BCOR: variants seen among roughly 807,000 people sequenced by gnomAD.
BCOR encodes the protein BCL-6 corepressor.
Under a neutral mutation model 86.7 loss-of-function variants are expected in BCOR, and 10 were observed. The ratio of observed to expected loss-of-function variants is 0.12; its 90% CI spans 0.07 to 0.20. The LOEUF is 0.20. BCOR is among the 10% of genes least tolerant of loss of function. The pLI is 1.00. For missense variants in BCOR, 1,259 were observed against 1,452.1 expected, an observed-to-expected ratio of 0.87 and a Z score of 2.16; for synonymous variants, 611 against 609.0, an observed-to-expected ratio of 1.00 and a Z score of -0.05.
At position 40,175,121 on chromosome X, in the gene BCOR, C is replaced by A. The variant is rs1178779996; in HGVS notation, c.-41+1886G>T. Among the ~76,000 whole-genome samples, 3 of 105,116 alleles carry A rather than the reference C, an allele frequency of 2.9e-5. No individual in the cohort carries two copies. In the East Asian group the frequency reaches 9.8e-4, roughly 34 times the overall value. The allele number at this position is 105,116 out of a possible 115,157, so 91.3% of individuals were successfully genotyped here. On this transcript the variant is annotated intron_variant, in intron 1 of 14. Transcript: ENST00000342274. ...AATACTCGCGGGCAGCCTGTTCTGA[C>A]CTATACTGTCATTTTTTCCATCGGT...
intron 1 of BCOR, among the ~76,000 whole-genome samples, chrX:40,144,473 A>T (rs1227744146): frequency 8.9e-6 from 1 of 111,996 alleles, no homozygotes; most frequent in Non-Finnish European, 1.9e-5. Flanking sequence ...GGTACTCAGG[A>T]GAGGCCTTTG....
chrX:40,146,574 G>T (rs1938060421), intron 1 of BCOR: 1 of 112,707 alleles, frequency 8.9e-6, no homozygotes, highest in Non-Finnish European at 1.9e-5. Context: ...CACACCGCCC[G>T]CGAGTAACAA....
intron 6 of BCOR, among the ~76,000 whole-genome samples, chrX:40,068,438 A>G (rs1416097938): frequency 2.7e-5 from 3 of 112,237 alleles, no homozygotes; most frequent in Non-Finnish European, 5.6e-5. Flanking sequence ...GTCCTGGAAG[A>G]GAAGTTTCCT....
chrX:40,063,580 G>A, intron 8 of BCOR, 28 bp downstream of exon 8: 1 of 1,158,015 alleles, frequency 8.6e-7, no homozygotes, highest in Non-Finnish European at 1.2e-6. Flanking sequence ...GGAGCGGGGT[G>A]AACACTCAAG....
chrX:40,064,857 T>C (rs1169302367), intron 6 of BCOR, among the ~76,000 whole-genome samples: 1 of 111,883 alleles, frequency 8.9e-6, no homozygotes, highest in Non-Finnish European at 1.9e-5. Flanking sequence ...TCCTTCTCCC[T>C]TCTTATGGTT....
At chrX:40,176,226 G>T (rs1356458189) in intron 1 of BCOR, among the ~76,000 whole-genome samples, 1 of 112,140 alleles carries the variant, frequency 8.9e-6, no homozygotes, top group East Asian at 2.9e-4. Flanking sequence ...CAGTCCTGGG[G>T]AGCCCCCAGA....
intron 1 of BCOR, among the ~76,000 whole-genome samples, chrX:40,116,269 G>A (rs1401870426): frequency 2.7e-5 from 3 of 111,571 alleles, no homozygotes; most frequent in East Asian, 2.8e-4. Context: ...AGGCCGAGGC[G>A]GGTGGATCAC....
chrX:40,118,917 C>T (rs747055977), intron 1 of BCOR, among the ~76,000 whole-genome samples: 2 of 112,645 alleles, frequency 1.8e-5, no homozygotes, highest in Non-Finnish European at 3.8e-5. Flanking sequence ...ACTGCAATCT[C>T]TGCCTCCTGG....
chrX:40,172,679 G>T (rs2148034720), intron 1 of BCOR, among the ~76,000 whole-genome samples: 1 of 113,248 alleles, frequency 8.8e-6, no homozygotes, highest in East Asian at 2.8e-4. Flanking sequence ...GGGCCGTGGG[G>T]CTCCATGCCT....
At chrX:40,170,950 A>T (rs1188560964) in intron 1 of BCOR, among the ~76,000 whole-genome samples, 1 of 111,864 alleles carries the variant, frequency 8.9e-6, no homozygotes, top group African/African-American at 3.3e-5. Flanking sequence ...GTTGAGCCGC[A>T]TTTACAAAGT....
chrX:40,074,724 C>A lies in BCOR; in HGVS notation c.622G>T (p.Asp208Tyr), dbSNP rs753212580. The change falls in exon 4 of 15, where the codon GAC becomes TAC. Residue 208 changes from aspartate (D) to tyrosine (Y), a missense_variant. Transcript: ENST00000378444. ...TTCAGTGAATACTTATTTGGCGAGTCGAGGAAAGGGTAGATGGCTGGCGTG... is the reference window on the plus strand; with the variant it reads ...TTCAGTGAATACTTATTTGGCGAGTAGAGGAAAGGGTAGATGGCTGGCGTG... The part of the protein sequence containing the change: ...GATPAIYPFL[D>Y]SPNKYSLNMY... 1 of 1,211,255 alleles carries A rather than the reference C, an allele frequency of 8.3e-7. No homozygotes were observed. Among genetic ancestry groups the A allele is most frequent in the Admixed American group, 2.2e-5 (1 of 46,030 alleles).
rs763933712 is a variant in BCOR at position 40,064,488 on chromosome X, G to T, written c.3350C>A (p.Ala1117Glu). The T allele has an allele frequency of 1.6e-6, 2 of 1,212,397 alleles. No individual in the cohort carries two copies. The highest frequency in any genetic ancestry group is 2.2e-6 in the Non-Finnish European group (2 of 895,644). ...AGGCATGTCCGAGGCCACCTGGTCT[G>T]CGGGAGGCTCGCTCACAGGCTGCCT... is the stretch of plus-strand genomic sequence containing the variant. ...VERQPVSEPP[A>E]DQVASDMPHS... The change falls in exon 7 of 15, where the codon GCA becomes GAA. Residue 1117 changes from alanine (A) to glutamate (E), a missense_variant. Ala to Glu is a moderately radical substitution (Grantham distance 107, BLOSUM62 -1). Transcript: ENST00000378444.
intron 1 of BCOR, among the ~76,000 whole-genome samples, chrX:40,121,243 C>G (rs1256507855): frequency 8.9e-6 from 1 of 111,927 alleles, no homozygotes; most frequent in Non-Finnish European, 1.9e-5. Flanking sequence ...CTGTTTCCAG[C>G]CCCTTCCCAC....
chrX:40,158,815 T>C (rs1014021935), intron 1 of BCOR, among the ~76,000 whole-genome samples: 1 of 112,349 alleles, frequency 8.9e-6, no homozygotes. Flanking sequence ...AACATGCATT[T>C]ATGGAGCGCT....
intron 10 of BCOR, among the ~76,000 whole-genome samples, chrX:40,058,663 C>G (rs1159561560): frequency 8.9e-6 from 1 of 111,801 alleles, no homozygotes; most frequent in Non-Finnish European, 1.9e-5. Flanking sequence ...CGCTGGTAAC[C>G]CTGGCCGGTA....
chrX:40,152,875 A>G (rs1174602884), intron 1 of BCOR, among the ~76,000 whole-genome samples: 2 of 113,068 alleles, frequency 1.8e-5, no homozygotes, highest in Non-Finnish European at 3.7e-5. Flanking sequence ...AGCTCCCGAG[A>G]CAGAATGAGG....
intron 1 of BCOR, among the ~76,000 whole-genome samples, chrX:40,175,177 G>C (rs1296130943): frequency 4.2e-4 from 47 of 112,345 alleles, no homozygotes; most frequent in Non-Finnish European, 6.0e-4. Context: ...GGTGGGGCGG[G>C]GGCTCTCCTC....
At chrX:40,139,379 TATATAATATATATAC>T (rs1166432316) in intron 1 of BCOR, among the ~76,000 whole-genome samples, 2 of 37,719 alleles carry the variant, frequency 5.3e-5, no homozygotes, top group Admixed American at 5.2e-4. Context: ...TATATATATA[TATATAATATATATAC>T]ATATATATAT....
intron 7 of BCOR, 35 bp downstream of exon 7, chrX:40,064,300 AC>A (rs763322828): frequency 5.8e-6 from 7 of 1,208,829 alleles, no homozygotes; most frequent in Non-Finnish European, 7.8e-6. Flanking sequence ...GCAAAGGCCC[AC>A]CCCCCGGCAG....
Sources: allele counts gnomAD v4.1 joint callset (sites outside exome capture counted in the v4.1 genomes callset), GRCh38; gene constraint gnomAD v4.1.1; transcripts MANE v1.5; gene names NCBI Gene and HGNC (gene_info 2026-07-23, HGNC 2026-07-21).